DENND2B: variants seen among roughly 807,000 people sequenced by gnomAD.
DENND2B encodes the protein DENN domain containing 2B.
DENND2B carries 32 observed loss-of-function variants against 116.0 expected under a neutral mutation model. The observed-to-expected ratio is 0.28, with a 90% CI of 0.21 to 0.37. DENND2B has a LOEUF of 0.37. DENND2B is among the 10% of genes least tolerant of loss of function. The pLI is 1.00. For missense variants in DENND2B, 1,276 were observed against 1,477.7 expected (o/e 0.86, Z 2.24); for synonymous variants, 588 against 583.9 (o/e 1.01, Z -0.10).
chr11:8,872,502 AG>A (rs2063798775), upstream of DENND2B, among the ~76,000 whole-genome samples: 1 of 151,342 alleles, frequency 6.6e-6, no homozygotes, highest in African/African-American at 2.4e-5. Context: ...AAAAAAAAAA[AG>A]AAAAAAAAAG....
At chr11:8,900,598 CAA>C (rs546601662) in intron 1 of DENND2B, among the ~76,000 whole-genome samples, 15 of 129,592 alleles carry the variant, frequency 1.2e-4, no homozygotes, top group African/African-American at 1.1e-4. Flanking sequence ...GACCCTGTCT[CAA>C]AAAAAAAAAA....
intron 3 of DENND2B, among the ~76,000 whole-genome samples, chr11:8,844,837 C>T (rs1356196016): frequency 6.6e-6 from 1 of 151,992 alleles, no homozygotes; most frequent in African/African-American, 2.4e-5. Flanking sequence ...TGAGCTCAAG[C>T]AATCCTCCTG....
chr11:8,700,764 G>T (rs899849113), intron 14 of DENND2B, among the ~76,000 whole-genome samples: 2 of 152,174 alleles, frequency 1.3e-5, no homozygotes, highest in East Asian at 1.9e-4. Context: ...GACTTACTAA[G>T]AAATTATTTT....
At chr11:8,775,423 G>C (rs1042327679) in intron 1 of DENND2B, among the ~76,000 whole-genome samples, 1 of 152,182 alleles carries the variant, frequency 6.6e-6, no homozygotes, top group African/African-American at 2.4e-5. Flanking sequence ...AAAAGCCCTG[G>C]GAGAGAGGCA....
At chr11:8,864,417 A>G (rs962202410) in intron 2 of DENND2B, among the ~76,000 whole-genome samples, 3 of 151,890 alleles carry the variant, frequency 2.0e-5, no homozygotes, top group Non-Finnish European at 2.9e-5. Flanking sequence ...ACAGACACGC[A>G]CCGCCACGCT....
At chr11:8,740,607 A>G (rs749428577) in intron 2 of DENND2B, among the ~76,000 whole-genome samples, 4 of 152,198 alleles carry the variant, frequency 2.6e-5, no homozygotes, top group Non-Finnish European at 5.9e-5. Context: ...CCTGAGAGGT[A>G]CCATGAGTGC....
chr11:8,862,446 CA>C (rs2063429228), intron 2 of DENND2B, among the ~76,000 whole-genome samples: 1 of 150,138 alleles, frequency 6.7e-6, no homozygotes, highest in African/African-American at 2.4e-5. Flanking sequence ...GTGATCCTCC[CA>C]TCTCAGCCTC....
Position 8,693,982 on chromosome 11 carries a change from G to A in DENND2B, c.*114C>T. ...GAAGGCAGAGGTGGGCTGGCTTGGA[G>A]GATAGGATCTGTGGGGGCAGAGGAG... is the stretch of plus-strand genomic sequence containing the variant. On this transcript the variant is annotated 3_prime_UTR_variant, in exon 20 of 20. Coordinates refer to ENST00000313726, the MANE Select transcript of DENND2B (RefSeq NM_213618.2). The A allele has an allele frequency of 2.7e-6, 3 of 1,120,772 alleles. No homozygotes were observed. Among genetic ancestry groups the A allele is most frequent in the Admixed American group, 2.1e-5 (1 of 47,972 alleles). 69.4% of individuals were successfully genotyped at this position (1,120,772 alleles called of 1,614,324 possible). A position where few individuals can be genotyped will look rare whatever the true frequency, so the allele number is the denominator to read the frequency against.
intron 4 of DENND2B, 178 bp from the exon 5 acceptor site, chr11:8,718,070 CTGGCT>C: frequency 1.7e-6 from 1 of 593,074 alleles, no homozygotes; most frequent in Non-Finnish European, 2.9e-6. Flanking sequence ...CAAACAGATC[CTGGCT>C]CCAAGTCCAG....
At chr11:8,706,848 A>C (rs2042687965) in intron 13 of DENND2B, among the ~76,000 whole-genome samples, 1 of 152,240 alleles carries the variant, frequency 6.6e-6, no homozygotes, top group Admixed American at 6.5e-5. Context: ...AAAGGAAGGC[A>C]GATGGAATGC....
At chr11:8,774,854 AT>A (rs1399239218) in intron 1 of DENND2B, among the ~76,000 whole-genome samples, 1 of 144,014 alleles carries the variant, frequency 6.9e-6, no homozygotes, top group Admixed American at 6.8e-5. Flanking sequence ...AGGTCTTCTT[AT>A]TTTTTTCGTT....
At chr11:8,762,003 TC>T (rs2054748241) in intron 1 of DENND2B, among the ~76,000 whole-genome samples, 1 of 151,968 alleles carries the variant, frequency 6.6e-6, no homozygotes, top group South Asian at 2.1e-4. Context: ...CAACACCTCC[TC>T]CCTCATCCTC....
intron 3 of DENND2B, among the ~76,000 whole-genome samples, chr11:8,852,617 G>A (rs762932156): frequency 6.6e-6 from 1 of 152,198 alleles, no homozygotes; most frequent in Non-Finnish European, 1.5e-5. Context: ...TGATCGGAGT[G>A]GTAGTTATAA....
At position 8,741,148 on chromosome 11, in the gene DENND2B, T is replaced by C. The variant is rs931266550; in HGVS notation, c.80+9473A>G. On this transcript the variant is annotated intron_variant, in intron 2 of 19. Coordinates refer to ENST00000313726, the MANE Select transcript of DENND2B (RefSeq NM_213618.2). Reference sequence around the variant, plus strand: ...GGGGCTATATCTAGGCCACCATCTATAGAGATTTTCCAGGTCCCTACAGCT... The same window carrying C: ...GGGGCTATATCTAGGCCACCATCTACAGAGATTTTCCAGGTCCCTACAGCT... Among the ~76,000 whole-genome samples the C allele has an allele frequency of 3.3e-5, 5 of 152,322 alleles. No individual in the cohort carries two copies. In the East Asian group the frequency reaches 7.7e-4, roughly 24 times the overall value.
At chr11:8,703,647 T>C (rs189659272) in intron 13 of DENND2B, 8 of 152,448 alleles carry the variant, frequency 5.2e-5, no homozygotes, top group Admixed American at 4.6e-4. Flanking sequence ...CATTGCCCCA[T>C]GGCATCAAAG....
At chr11:8,760,585 TC>T (rs563650962) in intron 1 of DENND2B, among the ~76,000 whole-genome samples, 7 of 152,102 alleles carry the variant, frequency 4.6e-5, no homozygotes, top group African/African-American at 1.7e-4. Context: ...GACACTGCAC[TC>T]CAGCCTGGGT....
chr11:8,863,346 T>TCCCAGGTTCACACCCTTCTCCTGC lies in DENND2B; in HGVS notation c.-249-5911_-249-5910insGCAGGAGAAGGGTGTGAACCTGGG, dbSNP rs543669262. Among the ~76,000 whole-genome samples, 4 of 81,262 alleles carry TCCCAGGTTCACACCCTTCTCCTGC rather than the reference T, an allele frequency of 4.9e-5. 1 individual carries two copies. Among genetic ancestry groups the TCCCAGGTTCACACCCTTCTCCTGC allele is most frequent in the African/African-American group, 9.0e-5 (2 of 22,138 alleles). The allele number at this position is 81,262 out of a possible 152,430, so 53.3% of individuals were successfully genotyped here. A position where few individuals can be genotyped will look rare whatever the true frequency, so the allele number is the denominator to read the frequency against. ...ATCTCGGCTCACTGCAAGCTCCACCTCTCAGCCTCCCCAGCAGCTGGGACT... is the reference window on the plus strand; with the variant it reads ...ATCTCGGCTCACTGCAAGCTCCACCTCCCAGGTTCACACCCTTCTCCTGCCTCAGCCTCCCCAGCAGCTGGGACT... On this transcript the variant is annotated intron_variant, in intron 2 of 6. Coordinates refer to the DENND2B transcript ENST00000524757.
chr11:8,744,467 T>C (rs1204277953), intron 2 of DENND2B, among the ~76,000 whole-genome samples: 1 of 152,032 alleles, frequency 6.6e-6, no homozygotes, highest in East Asian at 1.9e-4. Context: ...ATGTATCAGC[T>C]TGGAGTAAAA....
At chr11:8,762,358 T>C (rs537451349) in intron 1 of DENND2B, among the ~76,000 whole-genome samples, 2 of 152,212 alleles carry the variant, frequency 1.3e-5, no homozygotes, top group African/African-American at 4.8e-5. Context: ...TAAGTAGAAC[T>C]GCCCTCCCTA....
Sources: allele counts gnomAD v4.1 joint callset (sites outside exome capture counted in the v4.1 genomes callset), GRCh38; gene constraint gnomAD v4.1.1; transcripts MANE v1.5; gene names NCBI Gene and HGNC (gene_info 2026-07-23, HGNC 2026-07-21).